The following ATP8A2 variants were observed in gnomAD, a reference collection of about 807,000 sequenced individuals.
ATP8A2 encodes the protein ATPase phospholipid transporting 8A2.
A neutral mutation model predicts 165.6 loss-of-function variants in ATP8A2; 100 were observed. The observed-to-expected ratio is 0.60, with a 90% CI of 0.51 to 0.71. The LOEUF is 0.71. ATP8A2 is among the 30% of genes least tolerant of loss of function. The pLI, the probability that ATP8A2 is intolerant of heterozygous loss-of-function variation, is 0.00. For synonymous variants in ATP8A2, 543 were observed against 548.8 expected, an observed-to-expected ratio of 0.99 and a Z score of 0.15; for missense variants, 1,227 against 1,479.5, an observed-to-expected ratio of 0.83 and a Z score of 2.80.
intron 35 of ATP8A2, among the ~76,000 whole-genome samples, chr13:25,980,980 A>G (rs533123366): frequency 4.1e-4 from 63 of 152,368 alleles, no homozygotes; most frequent in African/African-American, 1.5e-3. Context: ...TCAAATTAAG[A>G]CATTTATTGT....
At chr13:25,716,829 G>A (rs1322810204) in intron 25 of ATP8A2, among the ~76,000 whole-genome samples, 3 of 152,092 alleles carry the variant, frequency 2.0e-5, no homozygotes, top group African/African-American at 7.2e-5. Flanking sequence ...AAACCTAACA[G>A]GAAAGAGGAA....
chr13:25,603,185 T>C (rs541345364), intron 24 of ATP8A2, among the ~76,000 whole-genome samples: 2 of 152,234 alleles, frequency 1.3e-5, no homozygotes, highest in Admixed American at 6.5e-5. Flanking sequence ...TAATGAATAC[T>C]CTACCATTAA....
chr13:25,920,835 G>A (rs1954428310), intron 33 of ATP8A2, among the ~76,000 whole-genome samples: 1 of 152,240 alleles, frequency 6.6e-6, no homozygotes. Flanking sequence ...CCCAGCACTT[G>A]GGAGGCCGAG....
chr13:25,860,835 G>A lies in ATP8A2; in HGVS notation c.3050G>A (p.Gly1017Asp), dbSNP rs988922044. The stretch of plus-strand genomic sequence containing the variant: ...GTTGTTACTGTTTGTCTGAAAGCTG[G>A]TTTGGAGACCACAGCTTGGACTAAA... ...YVVVTVCLKAGLETTAWTKFS... is the reference protein window; with the variant it reads ...YVVVTVCLKADLETTAWTKFS... Residue 1017 changes from glycine to aspartate, a missense_variant, in exon 32 of 37, where the codon GGT becomes GAT. Coordinates refer to ENST00000381655, the MANE Select transcript of ATP8A2 (RefSeq NM_016529.6). 8 of 1,598,046 alleles carry A rather than the reference G, an allele frequency of 5.0e-6. No homozygotes were observed. The highest frequency in any genetic ancestry group is 2.7e-5 in the African/African-American group (2 of 74,798).
chr13:26,008,007 A>T (rs1311803614), intron 35 of ATP8A2, among the ~76,000 whole-genome samples: 1 of 152,190 alleles, frequency 6.6e-6, no homozygotes, highest in Non-Finnish European at 1.5e-5. Context: ...ACCCACTAGA[A>T]ACTGGAAGCC....
intron 35 of ATP8A2, among the ~76,000 whole-genome samples, chr13:25,973,409 C>T (rs575477099): frequency 7.2e-4 from 110 of 152,158 alleles, no homozygotes; most frequent in Non-Finnish European, 1.4e-3. Context: ...ACAGGCAGGG[C>T]CCTGGTCACA....
At chr13:25,843,597 C>T (rs1255918418) in intron 30 of ATP8A2, among the ~76,000 whole-genome samples, 3 of 152,182 alleles carry the variant, frequency 2.0e-5, no homozygotes, top group Non-Finnish European at 4.4e-5. Context: ...CCTCACCTGA[C>T]ACCACAACTG....
At chr13:25,781,097 T>TA (rs1034745702) in intron 27 of ATP8A2, among the ~76,000 whole-genome samples, 2 of 152,004 alleles carry the variant, frequency 1.3e-5, no homozygotes, top group African/African-American at 2.4e-5. Flanking sequence ...CCGTCTCTAC[T>TA]AAAAAAACAC....
Position 25,574,684 on chromosome 13 carries a change from C to G in ATP8A2, c.1663-124C>G, listed in dbSNP as rs79623282. ...ACTTGTGAGAAAACAGTACATGTTGCAAAGGGCTAGAAGGTGGGAAGAGAG... is the reference window on the plus strand; with the variant it reads ...ACTTGTGAGAAAACAGTACATGTTGGAAAGGGCTAGAAGGTGGGAAGAGAG... On this transcript the variant is annotated intron_variant, in intron 18 of 36. Transcript: ENST00000381655. 1.5e-3 allele frequency: 1,038 copies of G among 706,146 alleles called. 9 individuals are homozygous for G. The African/African-American group carries it at 0.017, about 12-fold the overall frequency. 43.7% of individuals were successfully genotyped at this position (706,146 alleles called of 1,614,324 possible).
intron 24 of ATP8A2, among the ~76,000 whole-genome samples, chr13:25,661,725 C>A (rs1247008950): frequency 6.6e-6 from 1 of 152,134 alleles, no homozygotes; most frequent in Non-Finnish European, 1.5e-5. Context: ...AGAGTACCTA[C>A]TTTTTAACCT....
chr13:25,389,710 C>G (rs886570699), intron 1 of ATP8A2, among the ~76,000 whole-genome samples: 5 of 152,312 alleles, frequency 3.3e-5, no homozygotes, highest in Admixed American at 3.3e-4. Flanking sequence ...ATGTGTCAGT[C>G]AGTGACCTGG....
chr13:25,438,502 A>G (rs1257563808), intron 1 of ATP8A2, among the ~76,000 whole-genome samples: 2 of 152,062 alleles, frequency 1.3e-5, no homozygotes, highest in Admixed American at 6.6e-5. Flanking sequence ...TTAGCTTGGC[A>G]TGGTGGTGTG....
chr13:25,707,486 G>C (rs1205606318), intron 25 of ATP8A2, among the ~76,000 whole-genome samples: 1 of 152,064 alleles, frequency 6.6e-6, no homozygotes, highest in Non-Finnish European at 1.5e-5. Flanking sequence ...TTATGTCCTG[G>C]ACTAATAAAA....
chr13:25,414,803 AT>A (rs1260648300), intron 1 of ATP8A2, among the ~76,000 whole-genome samples: 2 of 152,202 alleles, frequency 1.3e-5, no homozygotes, highest in African/African-American at 4.8e-5. Context: ...TGTATACTTC[AT>A]TCTGAGAGAA....
At chr13:25,739,525 T>G (rs960214550) in intron 25 of ATP8A2, among the ~76,000 whole-genome samples, 1 of 152,200 alleles carries the variant, frequency 6.6e-6, no homozygotes, top group African/African-American at 2.4e-5. Context: ...TAGCAGAAAT[T>G]TTTTAGCCTG....
At chr13:25,920,542 T>TCCTCCCTC (rs1352720166) in intron 33 of ATP8A2, among the ~76,000 whole-genome samples, 1 of 152,084 alleles carries the variant, frequency 6.6e-6, no homozygotes, top group African/African-American at 2.4e-5. Context: ...AAAGCCGAAG[T>TCCTCCCTC]CCTCCCTCTT....
intron 35 of ATP8A2, among the ~76,000 whole-genome samples, chr13:25,974,828 A>G (rs1054550157): frequency 1.3e-5 from 2 of 152,066 alleles, no homozygotes; most frequent in East Asian, 1.9e-4. Flanking sequence ...GCATCTGCAC[A>G]GTCATCCCCC....
At chr13:25,893,645 G>T (rs1953447579) in intron 33 of ATP8A2, among the ~76,000 whole-genome samples, 2 of 152,278 alleles carry the variant, frequency 1.3e-5, no homozygotes, top group South Asian at 4.1e-4. Flanking sequence ...CACAATGGTT[G>T]AACTAGTTTA....
chr13:25,889,945 G>A (rs909364261), intron 33 of ATP8A2, among the ~76,000 whole-genome samples: 3 of 152,012 alleles, frequency 2.0e-5, no homozygotes, highest in East Asian at 3.9e-4. Flanking sequence ...GGCAGATCAC[G>A]AGGTTAGGAG....
Sources: allele counts gnomAD v4.1 joint callset (sites outside exome capture counted in the v4.1 genomes callset), GRCh38; gene constraint gnomAD v4.1.1; transcripts MANE v1.5; gene names NCBI Gene and HGNC (gene_info 2026-07-23, HGNC 2026-07-21).